AP3M1: variants seen among roughly 807,000 people sequenced by gnomAD.
AP3M1 encodes the protein AP-3 complex subunit mu-1.
A neutral mutation model predicts 42.6 loss-of-function variants in AP3M1; 29 were observed. The observed-to-expected ratio is 0.68, with a 90% CI of 0.51 to 0.93. AP3M1 has a LOEUF of 0.93. Among genes scored for constraint, AP3M1 ranks in the 40% least tolerant of loss-of-function variants. The probability of loss-of-function intolerance (pLI) is 0.00; values close to 1 mark genes in which losing one functional copy is unlikely to be tolerated. For synonymous variants in AP3M1, 178 were observed against 175.3 expected (o/e 1.02, Z -0.12); for missense variants, 416 against 510.2 (o/e 0.82, Z 1.78).
intron 1 of AP3M1, among the ~76,000 whole-genome samples, chr10:74,140,036 A>G (rs1282991924): frequency 6.6e-6 from 1 of 152,200 alleles, no homozygotes; most frequent in Non-Finnish European, 1.5e-5. Context: ...AACAGGGGCG[A>G]ACGGGGTGGG....
intron 1 of AP3M1, among the ~76,000 whole-genome samples, chr10:74,147,783 G>A (rs187332941): frequency 4.5e-4 from 69 of 152,032 alleles, no homozygotes; most frequent in Non-Finnish European, 8.2e-4. Context: ...GGCAGATCAC[G>A]AGGTCAGGAG....
Position 74,121,148 on chromosome 10 carries a change from A to G in AP3M1, c.*2662T>C, listed in dbSNP as rs2131949785. 1 of 152,344 alleles carries G rather than the reference A, an allele frequency of 6.6e-6. No individual in the cohort carries two copies. The highest frequency in any genetic ancestry group is 2.1e-4 in the South Asian group (1 of 4,824). 9.4% of individuals were successfully genotyped at this position (152,344 alleles called of 1,614,324 possible). ...GCCTGCTTGAGTTAAGGGAAAGGCC[A>G]AGGCTGCTACTGAATTAGCAGTTTC... On this transcript the variant is annotated 3_prime_UTR_variant, in exon 9 of 9. Transcript: ENST00000355264.
Position 74,120,839 on chromosome 10 carries a change from T to G in AP3M1, c.*2971A>C, listed in dbSNP as rs1394685893. On this transcript the variant is annotated 3_prime_UTR_variant, in exon 9 of 9. Transcript: ENST00000355264. ...GGCCACACAGGTCCATTTTTCATATTCCAAAGCCCAGTATAGAATAAATAG... is the reference window on the plus strand; with the variant it reads ...GGCCACACAGGTCCATTTTTCATATGCCAAAGCCCAGTATAGAATAAATAG... 2 of 152,104 alleles carry G rather than the reference T, an allele frequency of 1.3e-5. No homozygotes were observed. Among genetic ancestry groups the G allele is most frequent in the Non-Finnish European group, 2.9e-5 (2 of 68,044 alleles). 9.4% of individuals were successfully genotyped at this position (152,104 alleles called of 1,614,324 possible).
intron 7 of AP3M1, among the ~76,000 whole-genome samples, chr10:74,125,895 G>A (rs1840597891): frequency 6.6e-6 from 1 of 152,136 alleles, no homozygotes; most frequent in Admixed American, 6.5e-5. Flanking sequence ...GTCAGGCTCT[G>A]GATTAATAAT....
intron 3 of AP3M1, among the ~76,000 whole-genome samples, chr10:74,135,271 G>C (rs1166285080): frequency 6.6e-6 from 1 of 152,130 alleles, no homozygotes; most frequent in African/African-American, 2.4e-5. Flanking sequence ...TAAAACTTTA[G>C]GTTTTTCTCT....
Position 74,121,405 on chromosome 10 carries a change from CTCCCTTATGAATTTAGAACAAGTG to C in AP3M1, c.*2381_*2404del, listed in dbSNP as rs1840454446. The stretch of plus-strand genomic sequence containing the variant: ...ATTTACTTCATTTGCTCTTGATATA[CTCCCTTATGAATTTAGAACAAGTG>C]ATCCAGGATTAGCTGTAACTCTGTG... On this transcript the variant is annotated 3_prime_UTR_variant, in exon 9 of 9. Transcript: ENST00000355264. 1 of 152,214 alleles carries C rather than the reference CTCCCTTATGAATTTAGAACAAGTG, an allele frequency of 6.6e-6. No individual in the cohort carries two copies. Among genetic ancestry groups the C allele is most frequent in the African/African-American group, 2.4e-5 (1 of 41,446 alleles). 9.4% of individuals were successfully genotyped at this position (152,214 alleles called of 1,614,324 possible). A position where few individuals can be genotyped will look rare whatever the true frequency, so the allele number is the denominator to read the frequency against.
intron 1 of AP3M1, among the ~76,000 whole-genome samples, chr10:74,142,579 C>A (rs1303599339): frequency 1.3e-5 from 2 of 152,018 alleles, no homozygotes; most frequent in Non-Finnish European, 1.5e-5. Flanking sequence ...TAATTAGAAC[C>A]AAAAAATTTC....
chr10:74,131,700 C>T (rs1840784899), intron 4 of AP3M1, among the ~76,000 whole-genome samples: 1 of 151,438 alleles, frequency 6.6e-6, no homozygotes, highest in Non-Finnish European at 1.5e-5. Context: ...GAAGCCATGC[C>T]TAGCTAATCT....
intron 1 of AP3M1, among the ~76,000 whole-genome samples, chr10:74,147,250 A>T (rs1351088190): frequency 1.3e-5 from 2 of 151,920 alleles, no homozygotes; most frequent in African/African-American, 4.8e-5. Context: ...GCGCCACTGC[A>T]CTCTAGCCTG....
At chr10:74,148,186 T>C (rs1453687068) in intron 1 of AP3M1, among the ~76,000 whole-genome samples, 1 of 151,740 alleles carries the variant, frequency 6.6e-6, no homozygotes, top group Non-Finnish European at 1.5e-5. Context: ...GAAGGAAGAA[T>C]ACATTCAAAT....
intron 8 of AP3M1, 50 bp downstream of exon 8, chr10:74,124,330 G>A (rs773197084): frequency 1.3e-6 from 2 of 1,560,088 alleles, no homozygotes; most frequent in Non-Finnish European, 1.7e-6. Flanking sequence ...CCTAATAAAT[G>A]AGCTTGCAAA....
chr10:74,139,761 G>C (rs956180759), intron 1 of AP3M1, among the ~76,000 whole-genome samples: 2 of 151,914 alleles, frequency 1.3e-5, no homozygotes, highest in African/African-American at 4.8e-5. Flanking sequence ...ACTAAAATTA[G>C]CCAGGCGTGG....
chr10:74,147,097 A>G (rs1051815046), intron 1 of AP3M1, among the ~76,000 whole-genome samples: 6 of 152,160 alleles, frequency 3.9e-5, no homozygotes, highest in Admixed American at 1.3e-4. Context: ...AGCCTGGCCA[A>G]CATGGTGAAA....
At chr10:74,144,406 A>G (rs1355592415) in intron 1 of AP3M1, among the ~76,000 whole-genome samples, 1 of 151,922 alleles carries the variant, frequency 6.6e-6, no homozygotes, top group South Asian at 2.1e-4. Flanking sequence ...CTGGGCTTAC[A>G]GGCGTGCATC....
At chr10:74,136,889 G>T (rs1840965553) in intron 2 of AP3M1, 86 bp from the exon 3 acceptor site, 2 of 905,798 alleles carry the variant, frequency 2.2e-6, no homozygotes, top group Admixed American at 6.4e-5. Flanking sequence ...AATAAACTTA[G>T]AGTAGCATAA....
chr10:74,133,874 T>C (rs1840860227), intron 4 of AP3M1, among the ~76,000 whole-genome samples, 153 bp downstream of exon 4: 1 of 151,994 alleles, frequency 6.6e-6, no homozygotes, highest in South Asian at 2.1e-4. Context: ...CAGGCTGGTC[T>C]CGAACTCTGA....
intron 2 of AP3M1, 78 bp downstream of exon 2, chr10:74,138,029 T>C (rs1009401456): frequency 7.0e-7 from 1 of 1,418,750 alleles, no homozygotes; most frequent in Non-Finnish European, 9.5e-7. Context: ...AAAACCTGGG[T>C]AATTAAATAA....
chr10:74,142,775 A>G (rs997416871), intron 1 of AP3M1, among the ~76,000 whole-genome samples: 11 of 152,234 alleles, frequency 7.2e-5, no homozygotes, highest in African/African-American at 2.7e-4. Context: ...GAATACTTAG[A>G]CTTGCTATAT....
At chr10:74,129,287 T>C (rs762388214) in intron 5 of AP3M1, 46 bp from the exon 6 acceptor site, 5 of 1,598,018 alleles carry the variant, frequency 3.1e-6, no homozygotes, top group South Asian at 1.1e-5. Context: ...ATAATGAATA[T>C]GGGAACTGTA....
Sources: gnomAD v4.1 joint callset for allele counts (sites outside exome capture counted in the v4.1 genomes callset) on GRCh38, gnomAD v4.1.1 for gene constraint, MANE v1.5 for transcripts, NCBI Gene and HGNC (gene_info 2026-07-23, HGNC 2026-07-21) for gene names.